The following TSPEAR variants were observed in gnomAD, a reference collection of about 807,000 sequenced individuals.
TSPEAR encodes the protein thrombospondin type laminin G domain and EAR repeats, also known as thrombospondin-type laminin G domain and EAR repeat-containing protein.
In TSPEAR, 69 loss-of-function variants were observed where a neutral mutation model predicts 71.6. That is an observed-to-expected ratio of 0.96 (90% CI 0.79 to 1.18). The LOEUF is 1.18. Ranked by LOEUF, TSPEAR falls within the 50% of genes most tolerant of loss-of-function variation. TSPEAR has a pLI of 0.00. For synonymous variants in TSPEAR, 402 were observed against 387.2 expected (o/e 1.04, Z -0.45); for missense variants, 971 against 894.9 (o/e 1.09, Z -1.09).
intron 1 of TSPEAR, among the ~76,000 whole-genome samples, chr21:44,610,080 G>T (rs1555930532): frequency 6.6e-6 from 1 of 152,194 alleles, no homozygotes; most frequent in Non-Finnish European, 1.5e-5. Context: ...GGGTGTTAAA[G>T]GCATTCAGTT....
At chr21:44,658,254 C>T in intron 1 of TSPEAR, 1 of 1,613,552 alleles carries the variant, frequency 6.2e-7, no homozygotes, top group Non-Finnish European at 8.5e-7. Context: ...TCCTGCAGCA[C>T]CCCTTCCTGC....
chr21:44,523,067 TAGTC>T (rs1375850129), intron 8 of TSPEAR, among the ~76,000 whole-genome samples: 3 of 150,818 alleles, frequency 2.0e-5, no homozygotes, highest in East Asian at 3.9e-4. Context: ...GCCAGGTAGT[TAGTC>T]AGTTAGTCAG....
At chr21:44,558,388 A>T in intron 2 of TSPEAR, 1 of 1,613,196 alleles carries the variant, frequency 6.2e-7, no homozygotes, top group Non-Finnish European at 8.5e-7. Flanking sequence ...ACGGGCACAC[A>T]GCAGACTGGC....
chr21:44,680,476 A>T (rs1043945175), intron 1 of TSPEAR, among the ~76,000 whole-genome samples: 1 of 152,224 alleles, frequency 6.6e-6, no homozygotes, highest in Non-Finnish European at 1.5e-5. Flanking sequence ...ATTATCAAAA[A>T]CGGTATACAG....
At chr21:44,669,288 T>G (rs1422564402) in intron 1 of TSPEAR, among the ~76,000 whole-genome samples, 1 of 152,154 alleles carries the variant, frequency 6.6e-6, no homozygotes, top group African/African-American at 2.4e-5. Flanking sequence ...CTGGGTGTGG[T>G]GGCACGTGCC....
At chr21:44,619,411 T>C (rs145072041) in intron 1 of TSPEAR, among the ~76,000 whole-genome samples, 1 of 152,316 alleles carries the variant, frequency 6.6e-6, no homozygotes, top group East Asian at 1.9e-4. Context: ...CCCTTTGTAA[T>C]TGTCACTGTG....
At chr21:44,638,113 C>T (rs782149321) in intron 1 of TSPEAR, 3 of 1,613,494 alleles carry the variant, frequency 1.9e-6, no homozygotes, top group Non-Finnish European at 1.7e-6. Context: ...TCCTCTGCCG[C>T]CCCGTGTGCT....
chr21:44,594,677 G>A (rs1037765362), intron 1 of TSPEAR, among the ~76,000 whole-genome samples: 26 of 152,078 alleles, frequency 1.7e-4, no homozygotes, highest in Admixed American at 2.0e-4. Context: ...CCTGGTCAGC[G>A]TGGAGCTCCT....
chr21:44,602,087 C>T, intron 1 of TSPEAR: 1 of 398,268 alleles, frequency 2.5e-6, no homozygotes, highest in South Asian at 4.1e-5. Flanking sequence ...CTGCTCCTCC[C>T]CTGCTGTGGG....
At position 44,522,245 on chromosome 21, in the gene TSPEAR, G is replaced by A. The variant is rs927177781; in HGVS notation, c.1337-133C>T. 36 of 774,760 alleles carry A rather than the reference G, an allele frequency of 4.6e-5. 1 individual carries two copies. In the Admixed American group the frequency reaches 6.4e-4, roughly 14 times the overall value. The allele number at this position is 774,760 out of a possible 1,614,324, so 48.0% of individuals were successfully genotyped here. ...CCACGAGGACAAGGCCAACCGCTGG[G>A]GACATCCTTTCTTACCTTGAGCCTC... On this transcript the variant is annotated intron_variant, in intron 8 of 11. Coordinates refer to ENST00000323084, the MANE Select transcript of TSPEAR (RefSeq NM_144991.3).
intron 1 of TSPEAR, chr21:44,682,292 G>T: frequency 1.3e-6 from 1 of 762,512 alleles, no homozygotes; most frequent in Non-Finnish European, 2.1e-6. Flanking sequence ...TCAGTTTTCT[G>T]TCGTAGATGA....
chr21:44,620,763 G>T (rs1555933365), intron 1 of TSPEAR, among the ~76,000 whole-genome samples: 2 of 152,184 alleles, frequency 1.3e-5, no homozygotes, highest in African/African-American at 2.4e-5. Flanking sequence ...TTAATGATTT[G>T]AGATGTTTCT....
At chr21:44,700,463 G>C (rs528116004) in intron 1 of TSPEAR, among the ~76,000 whole-genome samples, 55 of 152,332 alleles carry the variant, frequency 3.6e-4, no homozygotes, top group African/African-American at 1.3e-3. Flanking sequence ...AGCCGAGGGA[G>C]CAGAGACTTC....
At chr21:44,606,163 CAAA>C (rs61407657) in intron 1 of TSPEAR, among the ~76,000 whole-genome samples, 3,688 of 71,004 alleles carry the variant, frequency 0.052, 120 homozygotes, top group African/African-American at 0.13. Flanking sequence ...GACCCTGGCT[CAAA>C]AAAAAAAAAA....
At chr21:44,570,262 C>T (rs2053773634) in intron 1 of TSPEAR, among the ~76,000 whole-genome samples, 1 of 152,218 alleles carries the variant, frequency 6.6e-6, no homozygotes, top group Non-Finnish European at 1.5e-5. Context: ...GCAAGAGCCT[C>T]TCCCTCCACT....
chr21:44,538,290 C>T (rs2053127318), intron 2 of TSPEAR, among the ~76,000 whole-genome samples: 1 of 152,140 alleles, frequency 6.6e-6, no homozygotes, highest in Admixed American at 6.5e-5. Context: ...TCCCACAGGA[C>T]ATCACAGGCA....
chr21:44,501,977 C>T lies in TSPEAR; in HGVS notation c.1857-2041G>A, dbSNP rs114660698. On this transcript the variant is annotated intron_variant, in intron 11 of 11. Transcript: ENST00000323084. ...ATAAAGTTAAGTCCCCAAAAGAAAA[C>T]CACCGAGCAATCTAATTTCCTATTA... Among the ~76,000 whole-genome samples, 1,195 of 152,320 alleles carry T rather than the reference C, an allele frequency of 7.8e-3. 12 individuals carry two copies. Among genetic ancestry groups the T allele is most frequent in the African/African-American group, 0.027 (1,125 of 41,554 alleles).
chr21:44,512,950 G>T (rs1054042799), intron 9 of TSPEAR, among the ~76,000 whole-genome samples: 1 of 152,204 alleles, frequency 6.6e-6, no homozygotes, highest in South Asian at 2.1e-4. Flanking sequence ...TCACCCTTCT[G>T]TTCCCTGTAC....
intron 1 of TSPEAR, among the ~76,000 whole-genome samples, chr21:44,605,120 T>C (rs936190289): frequency 1.3e-5 from 2 of 152,200 alleles, no homozygotes; most frequent in Admixed American, 1.3e-4. Flanking sequence ...AGTTGCAAGT[T>C]AAAAAATCAA....
Sources: gnomAD v4.1 joint callset for allele counts (sites outside exome capture counted in the v4.1 genomes callset) on GRCh38, gnomAD v4.1.1 for gene constraint, MANE v1.5 for transcripts, NCBI Gene and HGNC (gene_info 2026-07-23, HGNC 2026-07-21) for gene names.